Variants in RGMA observed in about 807,000 individuals in gnomAD.
The protein encoded by RGMA is repulsive guidance molecule A.
In RGMA, 10 loss-of-function variants were observed where a neutral mutation model predicts 23.2. The ratio of observed to expected loss-of-function variants is 0.43; its 90% CI spans 0.27 to 0.73. The LOEUF (loss-of-function observed/expected upper bound fraction) is 0.73. Among genes scored for constraint, RGMA ranks in the 30% least tolerant of loss-of-function variants. The probability of loss-of-function intolerance (pLI) is 0.20; values close to 1 mark genes in which losing one functional copy is unlikely to be tolerated. For missense variants in RGMA, 547 were observed against 630.5 expected (o/e 0.87, Z 1.42); for synonymous variants, 308 against 279.3 (o/e 1.10, Z -1.03).
intron 1 of RGMA, chr15:93,073,938 G>T: frequency 7.0e-7 from 1 of 1,431,148 alleles, no homozygotes; most frequent in African/African-American, 1.4e-5. Flanking sequence ...GGATGGTTTG[G>T]CGCTCTCTGC....
chr15:93,048,580 A>C (rs966179284), intron 3 of RGMA, among the ~76,000 whole-genome samples: 1 of 152,056 alleles, frequency 6.6e-6, no homozygotes, highest in South Asian at 2.1e-4. Flanking sequence ...AGGACACGGC[A>C]CACTTCCCAT....
At chr15:93,050,965 A>G (rs1334589260) in intron 3 of RGMA, among the ~76,000 whole-genome samples, 1 of 152,142 alleles carries the variant, frequency 6.6e-6, no homozygotes, top group East Asian at 1.9e-4. Flanking sequence ...TCCTTGATGC[A>G]GGCAGGCCCT....
chr15:93,088,823 TA>T, intron 1 of RGMA, 95 bp downstream of exon 1: 1 of 1,177,682 alleles, frequency 8.5e-7, no homozygotes, highest in Non-Finnish European at 1.2e-6. Flanking sequence ...GACGCGGGGC[TA>T]AGGAAGACCA....
intron 1 of RGMA, 146 bp from the exon 2 acceptor site, chr15:93,073,177 C>G: frequency 8.2e-7 from 1 of 1,226,224 alleles, no homozygotes; most frequent in Non-Finnish European, 1.0e-6. Flanking sequence ...CCGCGCCGCC[C>G]CCCGCGCGCC....
rs1193176623 is a variant in RGMA, at chr15:93,040,009, G to C, written c.*4989C>G. ...GTCTCGCTTGAGCCCAGGAGTTCAA[G>C]ATCAGCCTGGGAAAACAGCAAGATC... On this transcript the variant is annotated 3_prime_UTR_variant, in exon 4 of 4. Transcript: ENST00000329082. The C allele has an allele frequency of 6.6e-6, 1 of 152,216 alleles. No homozygotes were observed. The highest frequency in any genetic ancestry group is 1.5e-5 in the Non-Finnish European group (1 of 68,068). The allele number at this position is 152,216 out of a possible 1,614,324, so 9.4% of individuals were successfully genotyped here.
At chr15:93,085,979 T>C (rs1895628926) in intron 1 of RGMA, among the ~76,000 whole-genome samples, 1 of 152,230 alleles carries the variant, frequency 6.6e-6, no homozygotes, top group Non-Finnish European at 1.5e-5. Context: ...ATTGCTCCTT[T>C]ATAGCTCTGT....
At chr15:93,049,302 G>A (rs919011118) in intron 3 of RGMA, among the ~76,000 whole-genome samples, 6 of 152,236 alleles carry the variant, frequency 3.9e-5, no homozygotes, top group South Asian at 2.1e-4. Context: ...ATGCTTCAGG[G>A]GGTCGCAGAC....
At chr15:93,085,552 C>G (rs1163447186) in intron 1 of RGMA, among the ~76,000 whole-genome samples, 1 of 152,256 alleles carries the variant, frequency 6.6e-6, no homozygotes, top group Non-Finnish European at 1.5e-5. Context: ...TCTGCATAAA[C>G]TGTTTGCTAC....
chr15:93,087,993 A>G (rs1895667474), intron 1 of RGMA, among the ~76,000 whole-genome samples: 2 of 152,228 alleles, frequency 1.3e-5, no homozygotes, highest in South Asian at 4.2e-4. Flanking sequence ...TTCGCAGCCT[A>G]AGAGGAATGC....
chr15:93,074,736 C>T (rs1380633834), intron 1 of RGMA, among the ~76,000 whole-genome samples: 1 of 152,192 alleles, frequency 6.6e-6, no homozygotes. Context: ...TCCTGGGGCC[C>T]GACCCAACAA....
chr15:93,066,287 G>T, intron 2 of RGMA: 1 of 1,001,132 alleles, frequency 1.0e-6, no homozygotes. Flanking sequence ...CTTCCTTGGC[G>T]TCATTCCTGT....
chr15:93,072,772 GA>G, intron 2 of RGMA, 143 bp downstream of exon 2: 2 of 939,654 alleles, frequency 2.1e-6, no homozygotes, highest in African/African-American at 3.4e-5. Flanking sequence ...GGGTGCGGGA[GA>G]AACAAAAGAC....
intron 3 of RGMA, among the ~76,000 whole-genome samples, chr15:93,050,841 G>T (rs537670601): frequency 6.6e-6 from 1 of 152,176 alleles, no homozygotes; most frequent in African/African-American, 2.4e-5. Flanking sequence ...CCTCTGAAGC[G>T]TGCTGGTGCC....
At position 93,052,276 on chromosome 15, in the gene RGMA, G is replaced by A; in HGVS notation, c.362C>T (p.Thr121Ile). ...SQHNCSKDGP[T>I]SQPRLRTLPP... ...GAGCGTGCGCAGGCGTGGCTGCGAG[G>A]TGGGGCCATCCTTGGAGCAGTTGTG... The change falls in exon 3 of 4, where the codon ACC becomes ATC. Residue 121 changes from threonine to isoleucine, a missense_variant. By Grantham distance (89) the Thr-to-Ile change is moderately conservative. Transcript: ENST00000329082. The A allele has an allele frequency of 6.2e-7, 1 of 1,603,030 alleles. No individual in the cohort carries two copies. The highest frequency in any genetic ancestry group is 8.5e-7 in the Non-Finnish European group (1 of 1,174,584).
intron 2 of RGMA, among the ~76,000 whole-genome samples, chr15:93,059,265 C>G (rs765412118): frequency 2.0e-5 from 3 of 152,230 alleles, no homozygotes; most frequent in Non-Finnish European, 4.4e-5. Context: ...GCAGACCCAT[C>G]TGGTCTCAGG....
intron 1 of RGMA, among the ~76,000 whole-genome samples, chr15:93,076,668 C>T (rs1276958854): frequency 6.6e-6 from 1 of 152,154 alleles, no homozygotes; most frequent in Non-Finnish European, 1.5e-5. Context: ...CAGCTGAGTA[C>T]TTTACATTTC....
At chr15:93,088,274 C>A in intron 1 of RGMA, 1 of 973,038 alleles carries the variant, frequency 1.0e-6, no homozygotes, top group Non-Finnish European at 1.2e-6. Context: ...CATGCCCGGG[C>A]TTGTACCCTG....
Position 93,045,607 on chromosome 15 carries a change from C to A in RGMA, c.744G>T (p.Lys248Asn). 1 of 1,613,338 alleles carries A rather than the reference C, an allele frequency of 6.2e-7. No individual in the cohort carries two copies. Among genetic ancestry groups the A allele is most frequent in the Non-Finnish European group, 8.5e-7 (1 of 1,179,892 alleles). The part of the protein sequence containing the change: ...ELPAAFVDGS[K>N]NGGDKHGANS... ...TGGCCCCGTGCTTGTCCCCACCGTT[C>A]TTAGAGCCATCCACGAAGGCGGCCG... Residue 248 changes from lysine (K) to asparagine (N), a missense_variant, in exon 4 of 4, where the codon AAG (lysine) becomes AAT (asparagine). Physicochemically the swap from Lys to Asn is moderately conservative, Grantham distance 94 (BLOSUM62 0). Around this residue, in one of 3 missense-constraint regions of RGMA, gnomAD observed 128 missense variants for 191.7 expected, o/e 0.67. Coordinates refer to ENST00000329082, the MANE Select transcript of RGMA (RefSeq NM_020211.3). This position sits in a 1 kb window ranked among gnomAD's most constrained non-coding sequence, Gnocchi z 6.9.
rs554805345 is a variant in RGMA at position 93,051,996 on chromosome 15, G to A, written c.642C>T (p.Ser214=). ...VLPGSAATAT[S]KLTIIFKNFQ... Reference sequence around the variant, plus strand: ...ACAGCCGCCCCCTCCCCCTTACCTTGCTGGTGGCAGTGGCCGCTGAGCCGG... The same window carrying A: ...ACAGCCGCCCCCTCCCCCTTACCTTACTGGTGGCAGTGGCCGCTGAGCCGG... Residue 214 remains serine, a synonymous_variant, in exon 3 of 4, where the codon AGC becomes AGT. Coordinates refer to ENST00000329082, the MANE Select transcript of RGMA (RefSeq NM_020211.3). 3.6e-5 allele frequency: 58 copies of A among 1,599,192 alleles called. No homozygotes were observed. The South Asian group carries it at 5.9e-4, about 16-fold the overall frequency.
Sources: gnomAD v4.1 joint callset for allele counts (sites outside exome capture counted in the v4.1 genomes callset) on GRCh38, gnomAD v4.1.1 for gene constraint, gnomAD v4.1.1 regional missense constraint, Gnocchi (gnomAD v3.1) non-coding constraint, MANE v1.5 for transcripts, NCBI Gene and HGNC (gene_info 2026-07-23, HGNC 2026-07-21) for gene names.